Variants in EPS15 observed in about 807,000 individuals in gnomAD.
EPS15 encodes epidermal growth factor receptor substrate 15.
A neutral mutation model predicts 113.8 loss-of-function variants in EPS15; 72 were observed. That is an observed-to-expected ratio of 0.63 (90% CI 0.52 to 0.77). The LOEUF is 0.77. Among genes scored for constraint, EPS15 ranks in the 30% least tolerant of loss-of-function variants. The pLI, the probability that EPS15 is intolerant of heterozygous loss-of-function variation, is 0.00. For synonymous variants in EPS15, 344 were observed against 363.4 expected, an observed-to-expected ratio of 0.95 and a Z score of 0.61; for missense variants, 1,048 against 1,045.8, an observed-to-expected ratio of 1.00 and a Z score of -0.03.
At chr1:51,394,276 AT>A (rs1275296915) in intron 21 of EPS15, 104 bp downstream of exon 21, 3 of 639,008 alleles carry the variant, frequency 4.7e-6, no homozygotes, top group Non-Finnish European at 7.9e-6. Context: ...TTATGCAATA[AT>A]TTTAAAGCTA....
intron 7 of EPS15, among the ~76,000 whole-genome samples, chr1:51,462,520 A>C (rs116141955): frequency 0.062 from 9,452 of 152,202 alleles, 315 homozygotes; most frequent in Non-Finnish European, 0.075. Flanking sequence ...GATAAATTTA[A>C]AGTGACAGCA....
intron 11 of EPS15, among the ~76,000 whole-genome samples, chr1:51,443,690 C>T (rs960841117): frequency 4.6e-5 from 7 of 151,776 alleles, no homozygotes; most frequent in African/African-American, 1.7e-4. Context: ...GCTCTGTTGC[C>T]CCGGCTGGAG....
chr1:51,379,326 G>A (rs763552299), intron 21 of EPS15, among the ~76,000 whole-genome samples: 7 of 151,920 alleles, frequency 4.6e-5, no homozygotes, highest in Non-Finnish European at 8.8e-5. Flanking sequence ...CATCATGTTG[G>A]CCAGGCTAGT....
intron 21 of EPS15, among the ~76,000 whole-genome samples, chr1:51,391,234 T>G (rs930566058): frequency 6.6e-6 from 1 of 152,014 alleles, no homozygotes; most frequent in Non-Finnish European, 1.5e-5. Context: ...AAACACCGCA[T>G]GTTCTCACTC....
At chr1:51,370,624 G>GTA (rs1553186328) in intron 21 of EPS15, among the ~76,000 whole-genome samples, 1 of 142,208 alleles carries the variant, frequency 7.0e-6, no homozygotes, top group Non-Finnish European at 1.5e-5. Context: ...TTGTTAGGCT[G>GTA]TTTTTTTTTT....
intron 2 of EPS15, among the ~76,000 whole-genome samples, chr1:51,475,604 A>G (rs1655616269): frequency 6.6e-6 from 1 of 152,152 alleles, no homozygotes; most frequent in Non-Finnish European, 1.5e-5. Flanking sequence ...GGTAGATTGT[A>G]AAAATTTTCT....
chr1:51,472,253 TAATCCAAGTTCTAACTCTGAGACCA>T (rs1291918774), intron 3 of EPS15, among the ~76,000 whole-genome samples: 3 of 152,196 alleles, frequency 2.0e-5, no homozygotes, highest in Admixed American at 2.0e-4. Flanking sequence ...CCTTTTTCAT[TAATCCAAGTTCTAACTCTGAGACCA>T]ATGCTCTTTC....
chr1:51,493,908 C>A (rs1434644219), intron 1 of EPS15, among the ~76,000 whole-genome samples: 1 of 152,072 alleles, frequency 6.6e-6, no homozygotes, highest in Non-Finnish European at 1.5e-5. Flanking sequence ...AGCCACGGTG[C>A]CCAGCTGAGG....
intron 21 of EPS15, among the ~76,000 whole-genome samples, chr1:51,374,425 T>C (rs924178528): frequency 6.6e-6 from 1 of 152,106 alleles, no homozygotes; most frequent in Non-Finnish European, 1.5e-5. Flanking sequence ...GAGACCAGCC[T>C]GGCCAACGTC....
intron 21 of EPS15, among the ~76,000 whole-genome samples, chr1:51,383,783 T>C (rs1475741243): frequency 3.9e-5 from 6 of 152,270 alleles, no homozygotes; most frequent in Middle Eastern, 3.4e-3. Context: ...GGCATCCAGA[T>C]TCAAAACAAA....
At chr1:51,372,498 T>C in intron 21 of EPS15, 1 of 532,966 alleles carries the variant, frequency 1.9e-6, no homozygotes, top group Non-Finnish European at 3.8e-6. Flanking sequence ...GGAAAACATG[T>C]ATGGAATGTT....
At chr1:51,365,471 C>T (rs985381827) in intron 22 of EPS15, among the ~76,000 whole-genome samples, 2 of 152,110 alleles carry the variant, frequency 1.3e-5, no homozygotes, top group East Asian at 1.9e-4. Flanking sequence ...TCTCTTAGCC[C>T]GAATCAATAT....
In EPS15 at chr1:51,361,242, C is replaced by A; in HGVS notation, c.2473G>T (p.Asp825Tyr). ...GTGGTAGTAGCAGAAGTGAATGGAT[C>A]ACAAAATATTTCAGGATCTTTTTCT... ...PKEKDPEIFC[D>Y]PFTSATTTTN... Residue 825 changes from aspartate to tyrosine, a missense_variant, in exon 24 of 25, where the codon GAT (aspartate) becomes TAT (tyrosine). By Grantham distance (160) the Asp-to-Tyr change is radical (BLOSUM62 -3). Coordinates refer to ENST00000371733, the MANE Select transcript of EPS15 (RefSeq NM_001981.3). 1 of 1,614,006 alleles carries A rather than the reference C, an allele frequency of 6.2e-7. No individual in the cohort carries two copies. The highest frequency in any genetic ancestry group is 8.5e-7 in the Non-Finnish European group (1 of 1,179,890).
chr1:51,403,692 T>C (rs1040109599), intron 16 of EPS15, among the ~76,000 whole-genome samples, 160 bp from the exon 17 acceptor site: 5 of 152,196 alleles, frequency 3.3e-5, no homozygotes, highest in Non-Finnish European at 5.9e-5. Flanking sequence ...GGAAATGGTG[T>C]CATCAAGCAT....
chr1:51,473,008 T>C (rs1655351431), intron 2 of EPS15, 60 bp from the exon 3 acceptor site: 5 of 1,257,942 alleles, frequency 4.0e-6, no homozygotes, highest in Non-Finnish European at 5.8e-6. Context: ...TTATCACCAT[T>C]TACCTGCCTT....
chr1:51,441,568 T>C (rs571246671), intron 11 of EPS15, among the ~76,000 whole-genome samples: 14 of 152,204 alleles, frequency 9.2e-5, no homozygotes, highest in Admixed American at 5.9e-4. Context: ...TGTTGTATAG[T>C]TAATTTACGT....
At chr1:51,479,448 T>C (rs1643980191) in intron 2 of EPS15, among the ~76,000 whole-genome samples, 1 of 152,206 alleles carries the variant, frequency 6.6e-6, no homozygotes, top group Non-Finnish European at 1.5e-5. Flanking sequence ...GTCTGAAGCC[T>C]AGTTCTGTCA....
chr1:51,492,006 A>G (rs897701277), intron 1 of EPS15, among the ~76,000 whole-genome samples: 3 of 151,566 alleles, frequency 2.0e-5, no homozygotes, highest in African/African-American at 4.9e-5. Context: ...ATGGGACCAC[A>G]CCCAGCTAAT....
In EPS15 at chr1:51,447,021, A is replaced by C; in HGVS notation, c.736T>G (p.Leu246Val). 6.2e-7 allele frequency: 1 copy of C among 1,613,696 alleles called. No individual in the cohort carries two copies. The change falls in exon 10 of 25, where the codon TTG (leucine) becomes GTG (valine). Residue 246 changes from leucine (L) to valine (V), a missense_variant. Leu to Val is a conservative substitution (Grantham distance 32). Transcript: ENST00000371733. ...TTCAAGAATATTTCACGGACCTCCA[A>C]TCCAGACACAAATCCGTCCATATCT... ...DKDMDGFVSG[L>V]EVREIFLKTG...
Sources: allele counts gnomAD v4.1 joint callset (sites outside exome capture counted in the v4.1 genomes callset), GRCh38; gene constraint gnomAD v4.1.1; transcripts MANE v1.5; gene names NCBI Gene and HGNC (gene_info 2026-07-23, HGNC 2026-07-21).